The following ZP3 variants were observed in gnomAD, a reference collection of about 807,000 sequenced individuals.
ZP3 encodes zona pellucida sperm-binding protein 3.
A neutral mutation model predicts 35.6 loss-of-function variants in ZP3; 21 were observed. The observed-to-expected ratio is 0.59, with a 90% CI of 0.42 to 0.85. The LOEUF is 0.85. ZP3 is among the 40% of genes least tolerant of loss of function. The pLI, the probability that ZP3 is intolerant of heterozygous loss-of-function variation, is 0.00. For synonymous variants in ZP3, 207 were observed against 214.5 expected, an observed-to-expected ratio of 0.96 and a Z score of 0.31; for missense variants, 437 against 536.5, an observed-to-expected ratio of 0.81 and a Z score of 1.83.
At chr7:76,431,629 GT>G (rs1378141362) in intron 2 of ZP3, among the ~76,000 whole-genome samples, 1 of 152,180 alleles carries the variant, frequency 6.6e-6, no homozygotes, top group Non-Finnish European at 1.5e-5. Context: ...GCTGGGCATG[GT>G]GGCTCACGCC....
Position 76,406,858 on chromosome 7 carries a change from A to T in ZP3, c.-67+9061A>T, listed in dbSNP as rs553279924. 4.0e-4 allele frequency among the ~76,000 whole-genome samples: 60 copies of T among 151,522 alleles called. 2 individuals carry two copies. The South Asian group carries it at 7.5e-3, about 19-fold the overall frequency. On this transcript the variant is annotated intron_variant, in intron 1 of 8. Coordinates refer to the ZP3 transcript ENST00000336517. ...TTGTAAGCAGCGTTTAGTCTCTCAG[A>T]CCTTCCTTCACTTTTTTTATGTATT... is the stretch of plus-strand genomic sequence containing the variant.
At chr7:76,423,080 A>AAAGG (rs1186756000), upstream of ZP3, among the ~76,000 whole-genome samples, 151 of 142,646 alleles carry the variant, frequency 1.1e-3, no homozygotes, top group Non-Finnish European at 1.8e-3. Context: ...AGAAAGAAAG[A>AAAGG]AAGAAAAGAA....
intron 1 of ZP3, among the ~76,000 whole-genome samples, chr7:76,425,614 A>G (rs1432908439): frequency 6.6e-6 from 1 of 150,480 alleles, no homozygotes; most frequent in African/African-American, 2.4e-5. Context: ...GGCTGTTTCT[A>G]AGGCTGGGGG....
upstream of ZP3, among the ~76,000 whole-genome samples, chr7:76,423,025 G>GAGAGAGAGAGAAAGAA (rs1278384225): frequency 5.1e-4 from 39 of 75,842 alleles, no homozygotes; most frequent in Middle Eastern, 6.3e-3. Flanking sequence ...GAGAGAGAGA[G>GAGAGAGAGAGAAAGAA]AGAAAGAAAG....
intron 4 of ZP3, 38 bp downstream of exon 4, chr7:76,433,685 C>T: frequency 6.4e-7 from 1 of 1,558,450 alleles, no homozygotes; most frequent in Non-Finnish European, 8.7e-7. Context: ...ACCTTCCTAG[C>T]AAAATGACCC....
intron 1 of ZP3, among the ~76,000 whole-genome samples, chr7:76,415,795 T>C (rs1279593066): frequency 6.6e-6 from 1 of 150,990 alleles, no homozygotes; most frequent in Admixed American, 6.6e-5. Context: ...ACACCCGGCC[T>C]AGATTTTATT....
intron 1 of ZP3, chr7:76,398,839 C>A: frequency 1.2e-6 from 2 of 1,601,774 alleles, no homozygotes; most frequent in Non-Finnish European, 1.7e-6. Context: ...TTTCTGTTCT[C>A]CATCCTCACA....
At chr7:76,405,761 A>G (rs1293004970) in intron 1 of ZP3, among the ~76,000 whole-genome samples, 1 of 151,870 alleles carries the variant, frequency 6.6e-6, no homozygotes, top group African/African-American at 2.4e-5. Context: ...GTAGCTGAGG[A>G]TGTGTGAAGA....
chr7:76,441,266 G>A (rs1382582613), intron 7 of ZP3, among the ~76,000 whole-genome samples: 2 of 151,066 alleles, frequency 1.3e-5, no homozygotes, highest in African/African-American at 2.4e-5. Context: ...TGAGCCCCAT[G>A]AGTTCTCGAC....
At position 76,437,450 on chromosome 7, in the gene ZP3, A is replaced by G. The variant is rs1638140; in HGVS notation, c.832-2800A>G. Among the ~76,000 whole-genome samples, 597 of 147,276 alleles carry G rather than the reference A, an allele frequency of 4.1e-3. 5 individuals are homozygous for G. The highest frequency in any genetic ancestry group is 0.014 in the African/African-American group (547 of 39,230). ...CTCAGCAAGTGCTGGGATTACAGGC[A>G]TGAGCTATCACACTCCCCTCTTTTT... On this transcript the variant is annotated intron_variant, in intron 5 of 7. Transcript: ENST00000394857.
At chr7:76,424,039 A>G (rs994447246), upstream of ZP3, among the ~76,000 whole-genome samples, 2 of 152,040 alleles carry the variant, frequency 1.3e-5, no homozygotes, top group Non-Finnish European at 2.9e-5. Context: ...CCATAAAATA[A>G]GGCAGAGACC....
chr7:76,440,315 C>G lies in ZP3; in HGVS notation c.897C>G (p.Ala299=). The change falls in exon 6 of 8, where the codon GCC becomes GCG. Residue 299 remains alanine, a synonymous_variant. Coordinates refer to ENST00000394857, the MANE Select transcript of ZP3 (RefSeq NM_001110354.2). ...AEQDPDELNK[A]CSFSKPSNSW... ...AGGACCCAGATGAACTCAACAAGGC[C>G]TGTTCCTTCAGCAAGCCTTCCAACA... 6 of 1,609,514 alleles carry G rather than the reference C, an allele frequency of 3.7e-6. No individual in the cohort carries two copies. Among genetic ancestry groups the G allele is most frequent in the Non-Finnish European group, 5.1e-6 (6 of 1,178,160 alleles).
At chr7:76,433,817 GC>G in intron 4 of ZP3, 170 bp downstream of exon 4, 1 of 1,031,418 alleles carries the variant, frequency 9.7e-7, no homozygotes. Flanking sequence ...TCCTGCCTCA[GC>G]CCCCCAAGTA....
chr7:76,439,384 A>G (rs1806128584), intron 5 of ZP3, among the ~76,000 whole-genome samples: 1 of 152,090 alleles, frequency 6.6e-6, no homozygotes, highest in Non-Finnish European at 1.5e-5. Flanking sequence ...TCACCTGGGG[A>G]TGGGCGCGGG....
chr7:76,427,083 A>C (rs1308774328), intron 1 of ZP3, among the ~76,000 whole-genome samples: 2 of 152,020 alleles, frequency 1.3e-5, no homozygotes, highest in African/African-American at 4.8e-5. Flanking sequence ...GCTTCTAAAA[A>C]TCCTGATGTC....
intron 1 of ZP3, chr7:76,398,667 G>A (rs1164860828): frequency 1.9e-6 from 3 of 1,562,590 alleles, no homozygotes; most frequent in African/African-American, 2.7e-5. Context: ...AGGGTAGGGT[G>A]TGAGAGACTC....
intron 1 of ZP3, among the ~76,000 whole-genome samples, chr7:76,415,420 T>C: frequency 7.8e-6 from 1 of 129,012 alleles, no homozygotes; most frequent in East Asian, 2.5e-4. Context: ...CTATGACAAC[T>C]ATGACAACTG....
At chr7:76,437,940 T>C (rs557913985) in intron 5 of ZP3, among the ~76,000 whole-genome samples, 16 of 152,358 alleles carry the variant, frequency 1.1e-4, no homozygotes, top group South Asian at 4.1e-4. Flanking sequence ...CCTTGGAAGC[T>C]TCTTACTTGC....
intron 1 of ZP3, among the ~76,000 whole-genome samples, chr7:76,407,535 C>G (rs577684321): frequency 6.6e-6 from 1 of 151,900 alleles, no homozygotes; most frequent in Non-Finnish European, 1.5e-5. Flanking sequence ...ATTTCAAGAC[C>G]GGCCTAGGCA....
Sources: gnomAD v4.1 joint callset for allele counts (sites outside exome capture counted in the v4.1 genomes callset) on GRCh38, gnomAD v4.1.1 for gene constraint, MANE v1.5 for transcripts, NCBI Gene and HGNC (gene_info 2026-07-23, HGNC 2026-07-21) for gene names.